AGPAT3: variants seen among roughly 807,000 people sequenced by gnomAD.
The protein encoded by AGPAT3 is 1-acylglycerol-3-phosphate O-acyltransferase 3.
In AGPAT3, 5 loss-of-function variants were observed where a neutral mutation model predicts 47.3. That is an observed-to-expected ratio of 0.11 (90% CI 0.06 to 0.22). The LOEUF is 0.22. Among genes scored for constraint, AGPAT3 ranks in the 10% least tolerant of loss-of-function variants. The pLI is 1.00. For synonymous variants in AGPAT3, 212 were observed against 208.3 expected (o/e 1.02, Z -0.15); for missense variants, 315 against 493.0 (o/e 0.64, Z 3.42).
At position 43,911,057 on chromosome 21, in the gene AGPAT3, C is replaced by G. The variant is rs537059062; in HGVS notation, c.-49+7038C>G. On this transcript the variant is annotated intron_variant, in intron 2 of 9. Transcript: ENST00000291572. ...TGTAAGCGGTTTGTGGTTTATCCTT[C>G]TAGAGTTTATAAAAAATACACATAA... Among the ~76,000 whole-genome samples, 19 of 152,306 alleles carry G rather than the reference C, an allele frequency of 1.2e-4. 1 individual carries two copies. The South Asian group carries it at 3.7e-3, about 30-fold the overall frequency.
At chr21:43,884,038 G>A (rs1460094493) in intron 1 of AGPAT3, among the ~76,000 whole-genome samples, 2 of 152,146 alleles carry the variant, frequency 1.3e-5, no homozygotes, top group Admixed American at 1.3e-4. Flanking sequence ...CCAGTGTTCT[G>A]GTCTGTTTGT....
intron 2 of AGPAT3, among the ~76,000 whole-genome samples, chr21:43,919,015 C>T (rs959091524): frequency 6.6e-6 from 1 of 152,138 alleles, no homozygotes; most frequent in Non-Finnish European, 1.5e-5. Context: ...TTCCTGCCTG[C>T]TCTGAGACTG....
At chr21:43,961,784 A>G (rs770189077) in intron 3 of AGPAT3, among the ~76,000 whole-genome samples, 5 of 151,434 alleles carry the variant, frequency 3.3e-5, no homozygotes, top group Non-Finnish European at 5.9e-5. Context: ...TGGTGAGCGC[A>G]TAGACACTTT....
At chr21:43,951,919 A>G (rs1045995065) in intron 2 of AGPAT3, among the ~76,000 whole-genome samples, 7 of 152,090 alleles carry the variant, frequency 4.6e-5, no homozygotes, top group African/African-American at 1.7e-4. Flanking sequence ...ATTTTGGCAA[A>G]GAAGGGGGGT....
Position 43,985,665 on chromosome 21 carries a change from G to C in AGPAT3, c.*3273G>C, listed in dbSNP as rs73906701. The stretch of plus-strand genomic sequence containing the variant: ...CAGATTTGGGGTGAAGAATGAGTAA[G>C]TTTCTGCATGCTTTGTCTCTACCTG... On this transcript the variant is annotated 3_prime_UTR_variant, in exon 10 of 10. Transcript: ENST00000291572. 0.13 allele frequency: 26,818 copies of C among 201,582 alleles called. 2,246 individuals carry two copies. Among genetic ancestry groups the C allele is most frequent in the African/African-American group, 0.25 (10,479 of 42,418 alleles). 12.5% of individuals were successfully genotyped at this position (201,582 alleles called of 1,614,324 possible).
chr21:43,968,165 A>G (rs1447947459), intron 4 of AGPAT3, 50 bp downstream of exon 4: 8 of 1,074,834 alleles, frequency 7.4e-6, no homozygotes, highest in Admixed American at 3.1e-5. Context: ...GGTCCCGGGG[A>G]GGGCCGGGGG....
chr21:43,978,594 C>T (rs945953473), intron 8 of AGPAT3, among the ~76,000 whole-genome samples: 1 of 152,242 alleles, frequency 6.6e-6, no homozygotes, highest in African/African-American at 2.4e-5. Flanking sequence ...CAGGCATGAG[C>T]CACCACACCT....
Position 43,981,773 on chromosome 21 carries a change from C to T in AGPAT3, c.1043-531C>T, listed in dbSNP as rs1305117040. On this transcript the variant is annotated intron_variant, in intron 9 of 9. Transcript: ENST00000291572. This position sits in a 1 kb window ranked among gnomAD's most constrained non-coding sequence, Gnocchi z 5.3. The stretch of plus-strand genomic sequence containing the variant: ...TGTGCATCGCCCCGTGAGCCGACTC[C>T]CCAGGCCCAGCAGCTGGGCCAGCTC... 6.6e-6 allele frequency among the ~76,000 whole-genome samples: 1 copy of T among 152,056 alleles called. No individual in the cohort carries two copies. Among genetic ancestry groups the T allele is most frequent in the African/African-American group, 2.4e-5 (1 of 41,398 alleles).
chr21:43,897,698 G>T (rs535026701), intron 1 of AGPAT3, among the ~76,000 whole-genome samples: 1 of 152,088 alleles, frequency 6.6e-6, no homozygotes, highest in East Asian at 1.9e-4. Context: ...ATCCCAGAGG[G>T]GGCGGCTGGG....
chr21:43,871,152 A>G (rs566247210), intron 1 of AGPAT3, among the ~76,000 whole-genome samples: 2 of 152,360 alleles, frequency 1.3e-5, no homozygotes, highest in South Asian at 4.1e-4. Context: ...TTATTTCTTG[A>G]AACAAAGTAA....
At chr21:43,883,132 C>A (rs866331139) in intron 1 of AGPAT3, among the ~76,000 whole-genome samples, 17 of 152,236 alleles carry the variant, frequency 1.1e-4, no homozygotes, top group African/African-American at 3.4e-4. Flanking sequence ...CCCTTCCTGG[C>A]TGGGGTGCTG....
In AGPAT3 at chr21:43,952,676, G is replaced by A. The variant is rs193181483; in HGVS notation, c.-48-6958G>A. Among the ~76,000 whole-genome samples the A allele has an allele frequency of 2.3e-3, 345 of 152,202 alleles. 2 individuals are homozygous for A. Among genetic ancestry groups the A allele is most frequent in the Non-Finnish European group, 3.6e-3 (243 of 68,016 alleles). On this transcript the variant is annotated intron_variant, in intron 2 of 9. Coordinates refer to ENST00000291572, the MANE Select transcript of AGPAT3 (RefSeq NM_020132.5). This position sits in a 1 kb window ranked among gnomAD's most constrained non-coding sequence, Gnocchi z 5.6. ...TCTGTTGTTTAATGAAGACGCGCTG[G>A]CACCAAGCTTCTGGGCGACCTAAAC...
At chr21:43,971,544 C>T (rs935065834) in intron 7 of AGPAT3, 54 bp downstream of exon 7, 62 of 1,564,284 alleles carry the variant, frequency 4.0e-5, no homozygotes, top group African/African-American at 3.2e-4. Context: ...CATGAGCTTG[C>T]GCTGGGCAGA....
intron 2 of AGPAT3, among the ~76,000 whole-genome samples, chr21:43,906,130 G>A (rs1197314427): frequency 6.6e-6 from 1 of 152,180 alleles, no homozygotes; most frequent in Non-Finnish European, 1.5e-5. Context: ...ACAGAAAGAA[G>A]GGCAGGTTGG....
chr21:43,911,463 A>G (rs2086631876), intron 2 of AGPAT3, among the ~76,000 whole-genome samples: 1 of 152,240 alleles, frequency 6.6e-6, no homozygotes, highest in Non-Finnish European at 1.5e-5. Flanking sequence ...CCTGTCTGGG[A>G]AGATTGCAAC....
At chr21:43,903,339 G>T (rs982267796) in intron 1 of AGPAT3, among the ~76,000 whole-genome samples, 1 of 152,300 alleles carries the variant, frequency 6.6e-6, no homozygotes, top group African/African-American at 2.4e-5. Context: ...GGTGATGATT[G>T]CACAGCAGTG....
chr21:43,909,365 G>T (rs951599282), intron 2 of AGPAT3, among the ~76,000 whole-genome samples: 60 of 150,730 alleles, frequency 4.0e-4, no homozygotes, highest in Admixed American at 1.2e-3. Context: ...GCGTGATCTC[G>T]GCTCACCGCA....
In AGPAT3 at chr21:43,970,588, C is replaced by A; in HGVS notation, c.511-65C>A. 1 of 1,561,058 alleles carries A rather than the reference C, an allele frequency of 6.4e-7. No homozygotes were observed. Among genetic ancestry groups the A allele is most frequent in the Non-Finnish European group, 8.7e-7 (1 of 1,146,442 alleles). On this transcript the variant is annotated intron_variant, in intron 5 of 9. Coordinates refer to ENST00000291572, the MANE Select transcript of AGPAT3 (RefSeq NM_020132.5). This position sits in a 1 kb window ranked among gnomAD's most constrained non-coding sequence, Gnocchi z 5.8. ...TTTGCTGCCTGTCAGAGAGGCAGGCCTGGCCTGGACATGCACCCACCCCAG... is the reference window on the plus strand; with the variant it reads ...TTTGCTGCCTGTCAGAGAGGCAGGCATGGCCTGGACATGCACCCACCCCAG...
At chr21:43,979,110 C>T (rs1433063015) in intron 8 of AGPAT3, among the ~76,000 whole-genome samples, 1 of 151,922 alleles carries the variant, frequency 6.6e-6, no homozygotes, top group Non-Finnish European at 1.5e-5. Flanking sequence ...CCAGCCTGAC[C>T]AACATGGGTG....
Sources: allele counts gnomAD v4.1 joint callset (sites outside exome capture counted in the v4.1 genomes callset), GRCh38; gene constraint gnomAD v4.1.1; non-coding constraint Gnocchi (gnomAD v3.1); transcripts MANE v1.5; gene names NCBI Gene and HGNC (gene_info 2026-07-23, HGNC 2026-07-21).